DYNC2I1: variants seen among roughly 807,000 people sequenced by gnomAD.
DYNC2I1 encodes cytoplasmic dynein 2 intermediate chain 1.
DYNC2I1 carries 89 observed loss-of-function variants against 133.4 expected under a neutral mutation model. The observed-to-expected ratio is 0.67, with a 90% CI of 0.56 to 0.80. The LOEUF (loss-of-function observed/expected upper bound fraction) is 0.80. Ranked by LOEUF, DYNC2I1 falls within the 30% of genes least tolerant of loss-of-function variation. The pLI, the probability that DYNC2I1 is intolerant of heterozygous loss-of-function variation, is 0.00. For missense variants in DYNC2I1, 1,291 were observed against 1,314.5 expected (o/e 0.98, Z 0.28); for synonymous variants, 504 against 484.3 (o/e 1.04, Z -0.54).
At chr7:158,936,445 T>G (rs1419012717) in intron 23 of DYNC2I1, among the ~76,000 whole-genome samples, 1 of 152,198 alleles carries the variant, frequency 6.6e-6, no homozygotes, top group Non-Finnish European at 1.5e-5. Flanking sequence ...TCCCCCTTAT[T>G]TGGCCTGGCA....
intron 4 of DYNC2I1, among the ~76,000 whole-genome samples, chr7:158,878,888 T>C (rs560596582): frequency 2.6e-4 from 34 of 132,524 alleles, no homozygotes; most frequent in African/African-American, 9.6e-4. Flanking sequence ...CCGGGCACCA[T>C]GTGGGGAGGC....
chr7:158,951,310 A>G (rs954927015), intron 4 of DYNC2I1, among the ~76,000 whole-genome samples: 21 of 152,230 alleles, frequency 1.4e-4, no homozygotes, highest in African/African-American at 5.1e-4. Context: ...TCTACTTGGC[A>G]GGGACCCTGC....
At chr7:158,908,668 G>A (rs1055683965) in intron 11 of DYNC2I1, among the ~76,000 whole-genome samples, 2 of 152,214 alleles carry the variant, frequency 1.3e-5, no homozygotes, top group Admixed American at 1.3e-4. Context: ...GGTGTTGGAA[G>A]AGCTGAGCTT....
At chr7:158,839,677 G>A in the DYNC2I1 span, among the ~76,000 whole-genome samples, 13 of 152,172 alleles carry the variant, frequency 8.5e-5, no homozygotes, top group Non-Finnish European at 1.8e-4. Flanking sequence ...AAAATTAGCA[G>A]GGCGTGGTGG....
At chr7:158,931,647 A>G (rs368015295) in intron 21 of DYNC2I1, among the ~76,000 whole-genome samples, 17 of 152,326 alleles carry the variant, frequency 1.1e-4, no homozygotes, top group African/African-American at 4.1e-4. Context: ...CACTCTTTGA[A>G]GGAAAGTGTC....
chr7:158,939,708 G>T (rs1314020825), intron 23 of DYNC2I1, among the ~76,000 whole-genome samples: 1 of 152,114 alleles, frequency 6.6e-6, no homozygotes, highest in Non-Finnish European at 1.5e-5. Flanking sequence ...AGACCCAACT[G>T]TAGGCTGCTC....
At chr7:158,854,055 T>C (rs376372031), upstream of DYNC2I1, among the ~76,000 whole-genome samples, 2 of 151,620 alleles carry the variant, frequency 1.3e-5, no homozygotes, top group East Asian at 2.0e-4. Flanking sequence ...GGAGTGCTGA[T>C]TGGTAGGATT....
chr7:158,862,937 C>T (rs559672296), intron 1 of DYNC2I1, among the ~76,000 whole-genome samples: 54 of 150,896 alleles, frequency 3.6e-4, no homozygotes, highest in Middle Eastern at 3.5e-3. Flanking sequence ...TTGTTCCTCC[C>T]GGTGGGTTCA....
intron 6 of DYNC2I1, 64 bp from the exon 7 acceptor site, chr7:158,886,957 T>C: frequency 6.8e-7 from 1 of 1,461,778 alleles, no homozygotes; most frequent in Non-Finnish European, 9.6e-7. Context: ...ATATGGAAAA[T>C]GTTTTATTTT....
chr7:158,937,220 C>T (rs1009255148), intron 23 of DYNC2I1, among the ~76,000 whole-genome samples: 14 of 152,200 alleles, frequency 9.2e-5, no homozygotes, highest in African/African-American at 2.9e-4. Context: ...TCAAACAAAT[C>T]TTGGAACTGA....
At position 158,905,910 on chromosome 7, in the gene DYNC2I1, A is replaced by G. The variant is rs1003435262; in HGVS notation, c.1358-79A>G. The G allele has an allele frequency of 6.4e-6, 7 of 1,101,522 alleles. No homozygotes were observed. The African/African-American group carries it at 9.4e-5, about 15-fold the overall frequency. 68.2% of individuals were successfully genotyped at this position (1,101,522 alleles called of 1,614,324 possible). On this transcript the variant is annotated intron_variant, in intron 10 of 24. Coordinates refer to ENST00000407559, the MANE Select transcript of DYNC2I1 (RefSeq NM_018051.5). The stretch of plus-strand genomic sequence containing the variant: ...ACTATAATTGTTATATATGCCTATA[A>G]TTGTTTTACTCCAGATATTTTTTTG...
At chr7:158,895,600 A>G (rs983917810) in intron 8 of DYNC2I1, among the ~76,000 whole-genome samples, 3 of 152,096 alleles carry the variant, frequency 2.0e-5, no homozygotes, top group Non-Finnish European at 2.9e-5. Context: ...TTCTCCTTCA[A>G]TGTTGTGTTG....
chr7:158,943,034 T>A (rs1348164873), intron 24 of DYNC2I1, among the ~76,000 whole-genome samples: 1 of 152,194 alleles, frequency 6.6e-6, no homozygotes, highest in Non-Finnish European at 1.5e-5. Context: ...TTTAATAAAT[T>A]CTCCTACTGT....
chr7:158,903,004 A>G (rs1424689795), intron 10 of DYNC2I1: 1 of 174,222 alleles, frequency 5.7e-6, no homozygotes, highest in Non-Finnish European at 1.2e-5. Context: ...CCAGCGTTTT[A>G]TCCGTCTGTG....
chr7:158,877,797 ACT>A (rs1413821432), intron 4 of DYNC2I1, among the ~76,000 whole-genome samples: 3 of 151,918 alleles, frequency 2.0e-5, no homozygotes, highest in Middle Eastern at 6.8e-3. Context: ...CATTTTCAAG[ACT>A]CTCCATCTGC....
At chr7:158,915,914 G>T (rs1414942356) in intron 14 of DYNC2I1, among the ~76,000 whole-genome samples, 5 of 138,054 alleles carry the variant, frequency 3.6e-5, no homozygotes, top group African/African-American at 1.1e-4. Flanking sequence ...GTGAAACGTC[G>T]ACACGCTGGT....
chr7:158,862,236 G>A (rs1430523792), intron 1 of DYNC2I1, among the ~76,000 whole-genome samples: 1 of 152,170 alleles, frequency 6.6e-6, no homozygotes, highest in African/African-American at 2.4e-5. Context: ...CCACAGCCTG[G>A]GAAACACTGG....
In DYNC2I1 at chr7:158,923,593, C is replaced by T. The variant is rs763557751; in HGVS notation, c.2117C>T (p.Pro706Leu). The T allele has an allele frequency of 2.2e-5, 36 of 1,613,836 alleles. No individual in the cohort carries two copies. The highest frequency in any genetic ancestry group is 3.1e-5 in the Non-Finnish European group (36 of 1,179,898). The change falls in exon 17 of 25, where the codon CCT becomes CTT. Residue 706 changes from proline to leucine, a missense_variant. Physicochemically the swap from Pro to Leu is moderately conservative, Grantham distance 98. Coordinates refer to ENST00000407559, the MANE Select transcript of DYNC2I1 (RefSeq NM_018051.5). The part of the protein sequence containing the change: ...ESQVTCCCLS[P>L]LKAFLLFAGT... The stretch of plus-strand genomic sequence containing the variant: ...TAGGTCACGTGTTGCTGCTTGAGCC[C>T]TTTGAAAGCATTTTTACTGTTTGCC...
chr7:158,913,463 A>G (rs913921167), intron 13 of DYNC2I1, among the ~76,000 whole-genome samples: 5 of 152,170 alleles, frequency 3.3e-5, no homozygotes, highest in African/African-American at 4.8e-5. Flanking sequence ...TGAATATAGA[A>G]TTTTTATGTT....
Sources: allele counts gnomAD v4.1 joint callset (sites outside exome capture counted in the v4.1 genomes callset), GRCh38; gene constraint gnomAD v4.1.1; transcripts MANE v1.5; gene names NCBI Gene and HGNC (gene_info 2026-07-23, HGNC 2026-07-21).